Variants in TMED4 observed in about 807,000 individuals in gnomAD.
TMED4 encodes transmembrane emp24 domain-containing protein 4.
Under a neutral mutation model 26.5 loss-of-function variants are expected in TMED4, and 19 were observed. The ratio of observed to expected loss-of-function variants is 0.72; its 90% CI spans 0.50 to 1.05. The LOEUF is 1.05. Ranked by LOEUF, TMED4 falls within the 50% of genes least tolerant of loss-of-function variation. The probability of loss-of-function intolerance (pLI) is 0.00; values close to 1 mark genes in which losing one functional copy is unlikely to be tolerated. For synonymous variants in TMED4, 121 were observed against 119.8 expected (o/e 1.01, Z -0.07); for missense variants, 303 against 302.5 (o/e 1.00, Z -0.01).
chr7:44,581,280 G>A, intron 3 of TMED4, 41 bp from the exon 4 acceptor site: 1 of 1,611,506 alleles, frequency 6.2e-7, no homozygotes, highest in Non-Finnish European at 8.5e-7. Flanking sequence ...GGGGCCTCCA[G>A]TTGTCTGTTC....
chr7:44,579,337 TG>T lies in TMED4; in HGVS notation c.*141del. 3.6e-6 allele frequency: 3 copies of T among 834,876 alleles called. No individual in the cohort carries two copies. The highest frequency in any genetic ancestry group is 5.4e-6 in the Non-Finnish European group (3 of 553,284). The allele number at this position is 834,876 out of a possible 1,614,324, so 51.7% of individuals were successfully genotyped here. On this transcript the variant is annotated 3_prime_UTR_variant, in exon 5 of 5. Coordinates refer to ENST00000457408, the MANE Select transcript of TMED4 (RefSeq NM_182547.4). ...TTAAGAACCAGGGTCAGCAAGTGGCTGATCTGAATGGTTTGTGGCCATGGAA... is the reference window on the plus strand; with the variant it reads ...TTAAGAACCAGGGTCAGCAAGTGGCTATCTGAATGGTTTGTGGCCATGGAA...
chr7:44,582,224 G>C lies in TMED4; in HGVS notation c.-18C>G. 2 of 1,532,166 alleles carry C rather than the reference G, an allele frequency of 1.3e-6. No individual in the cohort carries two copies. Among genetic ancestry groups the C allele is most frequent in the Non-Finnish European group, 1.7e-6 (2 of 1,143,662 alleles). The allele number at this position is 1,532,166 out of a possible 1,614,324, so 94.9% of individuals were successfully genotyped here. A position where few individuals can be genotyped will look rare whatever the true frequency, so the allele number is the denominator to read the frequency against. On this transcript the variant is annotated 5_prime_UTR_variant, in exon 1 of 5. Coordinates refer to ENST00000457408, the MANE Select transcript of TMED4 (RefSeq NM_182547.4). The stretch of plus-strand genomic sequence containing the variant: ...CCTGCCATCGCGCCTCAGCCCCTAA[G>C]CGCCTGCGCACATTTGCGCATCGCT...
rs749612393 is a variant in TMED4, at chr7:44,579,528, C to T, written c.635G>A (p.Trp212Ter). ...QTVILILTGIWQMRHLKSFFE... is the reference protein window; with the variant it reads ...QTVILILTGI Reference sequence around the variant, plus strand: ...GAAGCTCTTGAGGTGACGCATCTGCCAGATGCCAGTGAGGATGAGGATGAC... The same window carrying T: ...GAAGCTCTTGAGGTGACGCATCTGCTAGATGCCAGTGAGGATGAGGATGAC... Residue 212 changes from tryptophan (W) to a stop codon, truncating the protein, a stop_gained, in exon 5 of 5, where the codon TGG (tryptophan) becomes TAG (stop). Coordinates refer to ENST00000457408, the MANE Select transcript of TMED4 (RefSeq NM_182547.4). LOFTEE classifies it high-confidence loss of function. The T allele has an allele frequency of 1.2e-6, 2 of 1,614,134 alleles. No individual in the cohort carries two copies. Among genetic ancestry groups the T allele is most frequent in the Non-Finnish European group, 1.7e-6 (2 of 1,180,034 alleles).
rs1194771081 is a variant in TMED4, at chr7:44,581,818, A to G, written c.166T>C (p.Tyr56His). Residue 56 changes from tyrosine to histidine, a missense_variant, in exon 2 of 5, where the codon TAT becomes CAT. Tyr to His is a moderately conservative substitution (Grantham distance 83). Coordinates refer to ENST00000457408, the MANE Select transcript of TMED4 (RefSeq NM_182547.4). ...IPDETMVIGN[Y>H]RTQMWDKQKE... ...TGCTTATCCCACATCTGGGTACGAT[A>G]GTTGCCTGCGGGGCAGACACATAGT... The G allele has an allele frequency of 1.2e-6, 2 of 1,614,018 alleles. No homozygotes were observed. The highest frequency in any genetic ancestry group is 2.7e-5 in the African/African-American group (2 of 74,942).
intron 1 of TMED4, 29 bp downstream of exon 1, chr7:44,582,018 A>C: frequency 6.5e-7 from 1 of 1,540,864 alleles, no homozygotes; most frequent in Non-Finnish European, 8.8e-7. Context: ...CTGGGTACAA[A>C]GGGCCTCCCC....
Position 44,577,903 on chromosome 7 carries a change from G to A in TMED4, c.*1576C>T, listed in dbSNP as rs972096354. ...AACAAAAGGAGAAGAATTTAGTTCT[G>A]TAGGTCAGATAATTTAATAAATATT... On this transcript the variant is annotated 3_prime_UTR_variant, in exon 5 of 5. Transcript: ENST00000457408. 1.3e-5 allele frequency: 2 copies of A among 151,880 alleles called. No individual in the cohort carries two copies. The highest frequency in any genetic ancestry group is 2.9e-5 in the Non-Finnish European group (2 of 67,978). The allele number at this position is 151,880 out of a possible 1,614,324, so 9.4% of individuals were successfully genotyped here.
chr7:44,579,720 C>A, intron 4 of TMED4, 92 bp from the exon 5 acceptor site: 1 of 1,384,574 alleles, frequency 7.2e-7, no homozygotes, highest in Non-Finnish European at 1.0e-6. Context: ...ACTCCAGGAC[C>A]AAACTCCTTT....
chr7:44,578,426 G>T lies in TMED4; in HGVS notation c.*1053C>A, dbSNP rs935650119. 4 of 152,174 alleles carry T rather than the reference G, an allele frequency of 2.6e-5. No individual in the cohort carries two copies. Among genetic ancestry groups the T allele is most frequent in the Non-Finnish European group, 5.9e-5 (4 of 68,044 alleles). The allele number at this position is 152,174 out of a possible 1,614,324, so 9.4% of individuals were successfully genotyped here. ...TTGAGAAGGAGGGTAAGAGTGCATTGCCCCATTCTAGCTCTGTTGCTACCT... is the reference window on the plus strand; with the variant it reads ...TTGAGAAGGAGGGTAAGAGTGCATTTCCCCATTCTAGCTCTGTTGCTACCT... On this transcript the variant is annotated 3_prime_UTR_variant, in exon 5 of 5. Coordinates refer to ENST00000457408, the MANE Select transcript of TMED4 (RefSeq NM_182547.4).
At chr7:44,579,863 A>T in intron 4 of TMED4, 1 of 366,564 alleles carries the variant, frequency 2.7e-6, no homozygotes, top group Admixed American at 4.4e-5. Context: ...TTCCAACAAG[A>T]GTCCAAGAAA....
At chr7:44,580,922 TG>T in intron 4 of TMED4, 170 bp downstream of exon 4, 2 of 713,382 alleles carry the variant, frequency 2.8e-6, no homozygotes, top group Non-Finnish European at 2.3e-6. Context: ...CACTCCAGCA[TG>T]GGCAACAAGA....
Position 44,581,712 on chromosome 7 carries a change from G to A in TMED4, c.261+11C>T, listed in dbSNP as rs1192826235. The A allele has an allele frequency of 1.9e-6, 3 of 1,613,992 alleles. No homozygotes were observed. Among genetic ancestry groups the A allele is most frequent in the Admixed American group, 3.3e-5 (2 of 60,012 alleles). ...CTGAAGAACGGCTGCGTGGGCCAAC[G>A]CCAGCCTTACCTTGCCGTCGGGGTC... is the stretch of plus-strand genomic sequence containing the variant. On this transcript the variant is annotated intron_variant, in intron 2 of 4. Transcript: ENST00000457408.
intron 4 of TMED4, 101 bp downstream of exon 4, chr7:44,580,992 T>G: frequency 7.7e-7 from 1 of 1,307,156 alleles, no homozygotes; most frequent in Middle Eastern, 1.9e-4. Context: ...TACTTCTCAT[T>G]CCATTCTCTG....
chr7:44,581,456 CCACCAGCGAAGAGAG>C lies in TMED4; in HGVS notation c.365_379del (p.Ala122_Gly126del). On this transcript the variant is annotated inframe_deletion, in exon 3 of 5. Coordinates refer to ENST00000457408, the MANE Select transcript of TMED4 (RefSeq NM_182547.4). ...AAGAGAAAATCCTCTTACCAGTTTG[CCACCAGCGAAGAGAG>C]CCATCCTGGTAGAATTGGAGTGCAG... 6.2e-7 allele frequency: 1 copy of C among 1,614,192 alleles called. No homozygotes were observed. The highest frequency in any genetic ancestry group is 1.1e-5 in the South Asian group (1 of 91,088).
chr7:44,582,122 C>T lies in TMED4; in HGVS notation c.85G>A (p.Gly29Arg). ...LLALCATGAQ[G>R]LYFHIGETEK... ...GTCTCGCCGATGTGGAAGTAGAGCC[C>T]CTGGGCGCCTGTGGCGCACAGCGCG... is the stretch of plus-strand genomic sequence containing the variant. Residue 29 changes from glycine to arginine, a missense_variant, in exon 1 of 5, where the codon GGG (glycine) becomes AGG (arginine). Coordinates refer to ENST00000457408, the MANE Select transcript of TMED4 (RefSeq NM_182547.4). 1 of 1,555,128 alleles carries T rather than the reference C, an allele frequency of 6.4e-7. No individual in the cohort carries two copies. The highest frequency in any genetic ancestry group is 8.7e-7 in the Non-Finnish European group (1 of 1,149,466).
chr7:44,582,219 C>T lies in TMED4; in HGVS notation c.-13G>A, dbSNP rs201073508. ...CGACACCTGCCATCGCGCCTCAGCC[C>T]CTAAGCGCCTGCGCACATTTGCGCA... On this transcript the variant is annotated 5_prime_UTR_variant, in exon 1 of 5. Transcript: ENST00000457408. The T allele has an allele frequency of 2.0e-3, 3,002 of 1,534,530 alleles. 30 individuals are homozygous for T. Among genetic ancestry groups the T allele is most frequent in the Middle Eastern group, 0.014 (72 of 5,246 alleles).
In TMED4 at chr7:44,577,968, G is replaced by A. The variant is rs1802864244; in HGVS notation, c.*1511C>T. ...AATAAAAACTGAAATAAAATGTCAA[G>A]AATGGGGAACTAATGGTATTAAGTT... On this transcript the variant is annotated 3_prime_UTR_variant, in exon 5 of 5. Coordinates refer to ENST00000457408, the MANE Select transcript of TMED4 (RefSeq NM_182547.4). 6.6e-6 allele frequency: 1 copy of A among 152,078 alleles called. No homozygotes were observed. Among genetic ancestry groups the A allele is most frequent in the South Asian group, 2.1e-4 (1 of 4,824 alleles). 9.4% of individuals were successfully genotyped at this position (152,078 alleles called of 1,614,324 possible). A position where few individuals can be genotyped will look rare whatever the true frequency, so the allele number is the denominator to read the frequency against.
At chr7:44,581,404 C>T (rs760399612) in intron 3 of TMED4, 45 bp downstream of exon 3, 1 of 1,612,908 alleles carries the variant, frequency 6.2e-7, no homozygotes, top group Admixed American at 1.7e-5. Context: ...AATTTGGAAA[C>T]AAGTGAGAGA....
At chr7:44,581,627 G>A in intron 2 of TMED4, 53 bp from the exon 3 acceptor site, 1 of 1,613,984 alleles carries the variant, frequency 6.2e-7, no homozygotes. Flanking sequence ...CTCTCCAAGT[G>A]CAAGTTCCTG....
chr7:44,577,951 CTG>C lies in TMED4; in HGVS notation c.*1526_*1527del, dbSNP rs751480768. ...ATTTCAAATAAATATATAATAAAAA[CTG>C]AAATAAAATGTCAAGAATGGGGAAC... On this transcript the variant is annotated 3_prime_UTR_variant, in exon 5 of 5. Coordinates refer to ENST00000457408, the MANE Select transcript of TMED4 (RefSeq NM_182547.4). The C allele has an allele frequency of 6.6e-5, 10 of 151,724 alleles. No homozygotes were observed. Among genetic ancestry groups the C allele is most frequent in the Non-Finnish European group, 1.2e-4 (8 of 67,960 alleles). 9.4% of individuals were successfully genotyped at this position (151,724 alleles called of 1,614,324 possible). A position where few individuals can be genotyped will look rare whatever the true frequency, so the allele number is the denominator to read the frequency against.
Sources: allele counts gnomAD v4.1 joint callset, GRCh38; gene constraint gnomAD v4.1.1; transcripts MANE v1.5; gene names NCBI Gene and HGNC (gene_info 2026-07-23, HGNC 2026-07-21).